The following PHACTR1 variants were observed in gnomAD, a reference collection of about 807,000 sequenced individuals.
PHACTR1 encodes phosphatase and actin regulator 1, also known as RPEL repeat containing 1.
PHACTR1 carries 16 observed loss-of-function variants against 69.2 expected under a neutral mutation model. That is an observed-to-expected ratio of 0.23 (90% CI 0.16 to 0.35). The LOEUF (loss-of-function observed/expected upper bound fraction) is 0.35. Among genes scored for constraint, PHACTR1 ranks in the 10% least tolerant of loss-of-function variants. The probability of loss-of-function intolerance (pLI) is 1.00; values close to 1 mark genes in which losing one functional copy is unlikely to be tolerated. For synonymous variants in PHACTR1, 312 were observed against 284.5 expected (o/e 1.10, Z -0.97); for missense variants, 510 against 734.7 (o/e 0.69, Z 3.54).
At chr6:12,810,275 G>A (rs1040645068) in intron 4 of PHACTR1, among the ~76,000 whole-genome samples, 3 of 152,148 alleles carry the variant, frequency 2.0e-5, no homozygotes, top group Admixed American at 6.5e-5. Context: ...AATTGCTCCT[G>A]GCTTCATGCC....
Position 13,287,069 on chromosome 6 carries a change from C to T in PHACTR1, c.1734C>T (p.His578=). ...TAATTGTTTGTTTCCTTAGGTTTCA[C>T]CGACCTTAACAGTCGAATTCCTCTT... ...HELSRHLTRF[H]RP The change falls in exon 15 of 15, where the codon CAC becomes CAT. Residue 578 remains histidine (H), a synonymous_variant. Transcript: ENST00000332995. The T allele has an allele frequency of 1.2e-6, 2 of 1,607,450 alleles. No homozygotes were observed. The highest frequency in any genetic ancestry group is 1.7e-6 in the Non-Finnish European group (2 of 1,176,702).
intron 12 of PHACTR1, chr6:13,280,517 G>A (rs1362702414): frequency 2.3e-5 from 4 of 175,768 alleles, no homozygotes; most frequent in Admixed American, 2.2e-4. Flanking sequence ...TTATCACACT[G>A]AGACCAGATG....
At chr6:13,128,756 G>A (rs1282382169) in intron 5 of PHACTR1, among the ~76,000 whole-genome samples, 1 of 152,114 alleles carries the variant, frequency 6.6e-6, no homozygotes, top group Non-Finnish European at 1.5e-5. Flanking sequence ...AAACTTCCCT[G>A]GCCTTGCTAG....
rs1562094908 is a variant in PHACTR1, at chr6:12,985,540, A to AT, written c.251-67825_251-67824insT. On this transcript the variant is annotated intron_variant, in intron 4 of 14. Coordinates refer to ENST00000332995, the MANE Select transcript of PHACTR1 (RefSeq NM_030948.6). ...AAGTACTACAAATTAAAAAAAAAAA[A>AT]AATATATATATATATATATATACAC... Among the ~76,000 whole-genome samples, 960 of 121,176 alleles carry AT rather than the reference A, an allele frequency of 7.9e-3. 3 individuals carry two copies. The highest frequency in any genetic ancestry group is 0.023 in the Middle Eastern group (5 of 216). The allele number at this position is 121,176 out of a possible 152,430, so 79.5% of individuals were successfully genotyped here. A position where few individuals can be genotyped will look rare whatever the true frequency, so the allele number is the denominator to read the frequency against.
chr6:13,086,684 A>G (rs1054956553), intron 5 of PHACTR1, among the ~76,000 whole-genome samples: 2 of 152,156 alleles, frequency 1.3e-5, no homozygotes, highest in African/African-American at 4.8e-5. Flanking sequence ...ATTTCATTAC[A>G]TGGATATCCC....
At chr6:13,007,764 C>A (rs1009631872) in intron 4 of PHACTR1, among the ~76,000 whole-genome samples, 23 of 149,434 alleles carry the variant, frequency 1.5e-4, no homozygotes, top group African/African-American at 4.9e-4. Context: ...ATGCTGCAAT[C>A]AAAAAACTAC....
rs1038072847 is a variant in PHACTR1, at chr6:13,179,360, C to A, written c.497-3159C>A. Among the ~76,000 whole-genome samples, 1 of 150,010 alleles carries A rather than the reference C, an allele frequency of 6.7e-6. No individual in the cohort carries two copies. The highest frequency in any genetic ancestry group is 1.5e-5 in the Non-Finnish European group (1 of 67,754). On this transcript the variant is annotated intron_variant, in intron 6 of 14. Transcript: ENST00000332995. This position sits in a 1 kb window ranked among gnomAD's most constrained non-coding sequence, Gnocchi z 4.2. ...AAGCATTAGGAATTCCCAGATAATT[C>A]CTTAGCTTAATGATGGGTATATACA... is the stretch of plus-strand genomic sequence containing the variant.
intron 13 of PHACTR1, among the ~76,000 whole-genome samples, chr6:13,284,550 A>ATATATATATATATAGATACACGTATC (rs1251810313): frequency 1.1e-5 from 1 of 91,998 alleles, no homozygotes; most frequent in African/African-American, 5.2e-5. Context: ...AAAAATATAT[A>ATATATATATATATAGATACACGTATC]TATATATATA....
chr6:13,254,092 G>T (rs1774859166), intron 10 of PHACTR1, among the ~76,000 whole-genome samples: 1 of 152,160 alleles, frequency 6.6e-6, no homozygotes, highest in Admixed American at 6.5e-5. Flanking sequence ...GCCAGGCGTG[G>T]TGGCACATGC....
intron 4 of PHACTR1, among the ~76,000 whole-genome samples, chr6:12,890,447 C>A (rs1332908055): frequency 6.6e-6 from 1 of 152,102 alleles, no homozygotes; most frequent in Admixed American, 6.6e-5. Context: ...GCTTCCACTT[C>A]ACTCAGAGAA....
intron 4 of PHACTR1, among the ~76,000 whole-genome samples, chr6:13,043,156 G>A (rs1804448338): frequency 6.6e-6 from 1 of 152,202 alleles, no homozygotes; most frequent in South Asian, 2.1e-4. Flanking sequence ...GCTGGGCATG[G>A]TGGCTCACGC....
chr6:13,186,827 G>A (rs1053675922), intron 7 of PHACTR1, among the ~76,000 whole-genome samples: 1 of 152,112 alleles, frequency 6.6e-6, no homozygotes, highest in African/African-American at 2.4e-5. Context: ...TACATTTGTT[G>A]TGCACTTTAT....
chr6:13,075,457 T>G (rs1051235875), intron 5 of PHACTR1, among the ~76,000 whole-genome samples: 1 of 152,198 alleles, frequency 6.6e-6, no homozygotes, highest in Non-Finnish European at 1.5e-5. Context: ...ACCCTGGTAC[T>G]GTTGCTTGTT....
intron 4 of PHACTR1, among the ~76,000 whole-genome samples, chr6:12,921,780 CAG>C (rs1787724125): frequency 3.2e-4 from 27 of 83,568 alleles, no homozygotes; most frequent in South Asian, 1.1e-3. Context: ...GGGAGAGAAA[CAG>C]GGAGGGAGGG....
intron 4 of PHACTR1, among the ~76,000 whole-genome samples, chr6:12,796,128 G>T (rs1482259461): frequency 2.0e-5 from 3 of 152,112 alleles, no homozygotes; most frequent in African/African-American, 7.2e-5. Flanking sequence ...ATAACATTTG[G>T]GGGTATATAG....
At chr6:13,201,419 C>A (rs948297528) in intron 7 of PHACTR1, among the ~76,000 whole-genome samples, 4 of 152,058 alleles carry the variant, frequency 2.6e-5, no homozygotes, top group Admixed American at 1.3e-4. Flanking sequence ...CCAGAGTGGA[C>A]GAGAGAGATG....
At chr6:13,244,266 G>T (rs1053394994) in intron 10 of PHACTR1, among the ~76,000 whole-genome samples, 7 of 152,112 alleles carry the variant, frequency 4.6e-5, no homozygotes, top group Admixed American at 4.6e-4. Context: ...ACTTAACAGG[G>T]TAATAGAATA....
chr6:12,990,906 A>G (rs1439308753), intron 4 of PHACTR1, among the ~76,000 whole-genome samples: 1 of 152,118 alleles, frequency 6.6e-6, no homozygotes, highest in East Asian at 1.9e-4. Flanking sequence ...AGCCACATCT[A>G]TCTATAGTCT....
intron 4 of PHACTR1, among the ~76,000 whole-genome samples, chr6:12,872,487 C>A (rs542855806): frequency 6.6e-6 from 1 of 152,278 alleles, no homozygotes; most frequent in East Asian, 1.9e-4. Flanking sequence ...CCTGCCTTTT[C>A]ACTTCTTTGC....
Sources: gnomAD v4.1 joint callset for allele counts (sites outside exome capture counted in the v4.1 genomes callset) on GRCh38, gnomAD v4.1.1 for gene constraint, Gnocchi (gnomAD v3.1) non-coding constraint, MANE v1.5 for transcripts, NCBI Gene and HGNC (gene_info 2026-07-23, HGNC 2026-07-21) for gene names.